The following FAT4 variants were observed in gnomAD, a reference collection of about 807,000 sequenced individuals.
FAT4 encodes the protein protocadherin Fat 4.
FAT4 carries 84 observed loss-of-function variants against 303.9 expected under a neutral mutation model. The observed-to-expected ratio is 0.28, with a 90% CI of 0.23 to 0.33. FAT4 has a LOEUF of 0.33. FAT4 is among the 10% of genes least tolerant of loss of function. The pLI, the probability that FAT4 is intolerant of heterozygous loss-of-function variation, is 1.00. For synonymous variants in FAT4, 2,307 were observed against 2,298.8 expected, an observed-to-expected ratio of 1.00 and a Z score of -0.10; for missense variants, 6,005 against 6,146.8, an observed-to-expected ratio of 0.98 and a Z score of 0.77.
Position 125,490,114 on chromosome 4 carries a change from C to T in FAT4, c.13298C>T (p.Ala4433Val). 2 of 1,613,992 alleles carry T rather than the reference C, an allele frequency of 1.2e-6. No homozygotes were observed. Among genetic ancestry groups the T allele is most frequent in the South Asian group, 2.2e-5 (2 of 91,074 alleles). Reference sequence around the variant, plus strand: ...AGGTGTGTCCCTCCTGGGGACTGTGCCTCCCACCCGTGCCAGAATGGTGGC... The same window carrying T: ...AGGTGTGTCCCTCCTGGGGACTGTGTCTCCCACCCGTGCCAGAATGGTGGC... ...AYRCVPPGDC[A>V]SHPCQNGGSC... Residue 4433 changes from alanine to valine, a missense_variant, in exon 18 of 18, where the codon GCC becomes GTC. Physicochemically the swap from Ala to Val is moderately conservative, Grantham distance 64. Transcript: ENST00000394329.
In FAT4 at chr4:125,317,992, A is replaced by T. The variant is rs915723981; in HGVS notation, c.1581A>T (p.Glu527Asp). 1 of 1,614,204 alleles carries T rather than the reference A, an allele frequency of 6.2e-7. No homozygotes were observed. ...GNGLGWFHISEHSGLVTTGSS... is the reference protein window; with the variant it reads ...GNGLGWFHISDHSGLVTTGSS... ...GACTGGGATGGTTCCATATCAGTGA[A>T]CATAGCGGCCTCGTGACCACTGGGT... is the stretch of plus-strand genomic sequence containing the variant. Residue 527 changes from glutamate (E) to aspartate (D), a missense_variant, in exon 2 of 18, where the codon GAA becomes GAT. Transcript: ENST00000394329. The surrounding 1 kb of genome is among the most constrained non-coding windows in gnomAD (Gnocchi z 7.0).
chr4:125,384,605 GTT>G (rs891636557), intron 2 of FAT4, among the ~76,000 whole-genome samples: 1 of 151,890 alleles, frequency 6.6e-6, no homozygotes, highest in Middle Eastern at 3.2e-3. Context: ...ATTCTGTGAG[GTT>G]TTCTTTCACT....
Position 125,320,617 on chromosome 4 carries a change from T to C in FAT4, c.4206T>C (p.Ser1402=). 3 of 1,614,162 alleles carry C rather than the reference T, an allele frequency of 1.9e-6. No individual in the cohort carries two copies. Among genetic ancestry groups the C allele is most frequent in the Non-Finnish European group, 2.5e-6 (3 of 1,179,978 alleles). ...AKDQGRPPRS[S]TMSVVIHVRD... Reference sequence around the variant, plus strand: ...ACCAAGGAAGACCTCCTCGTTCATCTACAATGTCAGTGGTTATTCACGTGA... The same window carrying C: ...ACCAAGGAAGACCTCCTCGTTCATCCACAATGTCAGTGGTTATTCACGTGA... The change falls in exon 2 of 18, where the codon TCT becomes TCC. Residue 1402 remains serine (S), a synonymous_variant. Transcript: ENST00000394329.
rs1236179761 is a variant in FAT4, at chr4:125,408,561, G to A, written c.5687G>A (p.Gly1896Glu). The A allele has an allele frequency of 6.2e-7, 1 of 1,612,142 alleles. No homozygotes were observed. ...DGIFFLNPIT[G>E]VFNLTRLLDY... ...ATCTTTTTCCTGAATCCTATTACTG[G>A]GGTCTTTAATTTGACTCGATTATTA... Residue 1896 changes from glycine to glutamate, a missense_variant, in exon 5 of 18, where the codon GGG (glycine) becomes GAG (glutamate). Coordinates refer to ENST00000394329, the MANE Select transcript of FAT4 (RefSeq NM_001291303.3).
chr4:125,477,120 G>T (rs1438633113), intron 13 of FAT4, 35 bp from the exon 14 acceptor site: 7 of 1,301,066 alleles, frequency 5.4e-6, no homozygotes, highest in Admixed American at 3.0e-5. Context: ...GTAATCTTTT[G>T]ACACTAATAT....
chr4:125,451,247 G>A lies in FAT4; in HGVS notation c.10237G>A (p.Val3413Met). The part of the protein sequence containing the change: ...PPIFTLNIYS[V>M]QISEGVPIGT... Reference sequence around the variant, plus strand: ...CATTTTTACTCTAAACATCTACAGTGTGCAGATCAGTGAAGGGGTCCCAAT... The same window carrying A: ...CATTTTTACTCTAAACATCTACAGTATGCAGATCAGTGAAGGGGTCCCAAT... The change falls in exon 10 of 18, where the codon GTG becomes ATG. Residue 3413 changes from valine to methionine, a missense_variant. Physicochemically the swap from Val to Met is conservative, Grantham distance 21. Transcript: ENST00000394329. 6.2e-7 allele frequency: 1 copy of A among 1,614,100 alleles called. No homozygotes were observed. Among genetic ancestry groups the A allele is most frequent in the Non-Finnish European group, 8.5e-7 (1 of 1,180,024 alleles).
At chr4:125,373,653 A>G (rs1021877338) in intron 2 of FAT4, among the ~76,000 whole-genome samples, 3 of 152,196 alleles carry the variant, frequency 2.0e-5, no homozygotes, top group East Asian at 3.8e-4. Context: ...TGTGCCTCAC[A>G]CACTTTTATC....
chr4:125,447,641 T>C (rs1170767644), intron 9 of FAT4, among the ~76,000 whole-genome samples: 1 of 152,136 alleles, frequency 6.6e-6, no homozygotes, highest in African/African-American at 2.4e-5. Context: ...TTTACTTTTG[T>C]TACCGTTTCT....
At chr4:125,356,711 A>G (rs1040459761) in intron 2 of FAT4, among the ~76,000 whole-genome samples, 1 of 149,808 alleles carries the variant, frequency 6.7e-6, no homozygotes, top group African/African-American at 2.4e-5. Flanking sequence ...AGTCTTTACA[A>G]TGCACATCCA....
intron 10 of FAT4, among the ~76,000 whole-genome samples, chr4:125,454,704 G>C (rs140311554): frequency 0.032 from 4,902 of 152,148 alleles, 109 homozygotes; most frequent in Middle Eastern, 0.075. Context: ...GTGGTGGCAG[G>C]TGCCTGTAAT....
chr4:125,407,172 C>A (rs1200736411), intron 4 of FAT4, 31 bp downstream of exon 4: 1 of 1,574,262 alleles, frequency 6.4e-7, no homozygotes, highest in Non-Finnish European at 8.6e-7. Flanking sequence ...GTGTATTTTG[C>A]AAGAATCGCT....
chr4:125,328,248 A>C (rs28583040), intron 2 of FAT4, among the ~76,000 whole-genome samples: 21,120 of 152,212 alleles, frequency 0.14, 2,349 homozygotes, highest in African/African-American at 0.29. Context: ...TATTCTATTA[A>C]ACAAACATTC....
At chr4:125,353,763 C>T (rs899386537) in intron 2 of FAT4, among the ~76,000 whole-genome samples, 1 of 151,564 alleles carries the variant, frequency 6.6e-6, no homozygotes, top group African/African-American at 2.4e-5. Context: ...ACATTTGTTA[C>T]ATTTTAATCG....
intron 17 of FAT4, 141 bp downstream of exon 17, chr4:125,487,747 A>G: frequency 3.5e-6 from 3 of 852,420 alleles, no homozygotes; most frequent in Non-Finnish European, 4.9e-6. Flanking sequence ...TTATGTTTAA[A>G]AAAGTAGTTT....
chr4:125,349,657 C>T (rs1403854968), intron 2 of FAT4, among the ~76,000 whole-genome samples: 1 of 151,460 alleles, frequency 6.6e-6, no homozygotes, highest in Non-Finnish European at 1.5e-5. Flanking sequence ...AATATATATG[C>T]CCACTTTTAA....
chr4:125,409,258 AT>A (rs200526406), intron 5 of FAT4, among the ~76,000 whole-genome samples: 3,054 of 144,564 alleles, frequency 0.021, 84 homozygotes, highest in African/African-American at 0.064. Flanking sequence ...ATAGCTAATA[AT>A]TTTTTTTTTT....
Position 125,472,658 on chromosome 4 carries a change from C to G in FAT4, c.12214-3513C>G, listed in dbSNP as rs185693788. Among the ~76,000 whole-genome samples, 5 of 152,268 alleles carry G rather than the reference C, an allele frequency of 3.3e-5. No homozygotes were observed. In the East Asian group the frequency reaches 9.7e-4, roughly 29 times the overall value. On this transcript the variant is annotated intron_variant, in intron 12 of 17. Transcript: ENST00000394329. ...GTTTATTTTGAATTGGCATCAGATA[C>G]AATGACATTTCTCTCCTCCACTCTA...
intron 2 of FAT4, among the ~76,000 whole-genome samples, chr4:125,340,748 G>T (rs1731760119): frequency 6.6e-6 from 1 of 152,146 alleles, no homozygotes; most frequent in Non-Finnish European, 1.5e-5. Context: ...AATAGTAGTA[G>T]CAGCAGCAGT....
At position 125,452,287 on chromosome 4, in the gene FAT4, C is replaced by T; in HGVS notation, c.11277C>T (p.Asn3759=). ...AACTGTACAGTGCATATGAAGAGAA[C>T]AATAGAACGTTTCTTTTGGCAGCTG... ...AVQLYSAYEE[N]NRTFLLAAVK... is the part of the protein sequence containing the mutation. Residue 3759 remains asparagine, a synonymous_variant, in exon 10 of 18, where the codon AAC becomes AAT. Coordinates refer to ENST00000394329, the MANE Select transcript of FAT4 (RefSeq NM_001291303.3). The T allele has an allele frequency of 6.2e-7, 1 of 1,614,204 alleles. No individual in the cohort carries two copies. The highest frequency in any genetic ancestry group is 1.1e-5 in the South Asian group (1 of 91,088).
Sources: allele counts gnomAD v4.1 joint callset (sites outside exome capture counted in the v4.1 genomes callset), GRCh38; gene constraint gnomAD v4.1.1; non-coding constraint Gnocchi (gnomAD v3.1); transcripts MANE v1.5; gene names NCBI Gene and HGNC (gene_info 2026-07-23, HGNC 2026-07-21).